Variants in LRRC4C observed in about 807,000 individuals in gnomAD.
LRRC4C encodes leucine rich repeat containing 4C.
Under a neutral mutation model 33.6 loss-of-function variants are expected in LRRC4C, and 5 were observed. That is an observed-to-expected ratio of 0.15 (90% CI 0.08 to 0.31). The LOEUF (loss-of-function observed/expected upper bound fraction) is 0.31. Ranked by LOEUF, LRRC4C falls within the 10% of genes least tolerant of loss-of-function variation. The probability of loss-of-function intolerance (pLI) is 1.00; values close to 1 mark genes in which losing one functional copy is unlikely to be tolerated. For synonymous variants in LRRC4C, 329 were observed against 302.0 expected, an observed-to-expected ratio of 1.09 and a Z score of -0.93; for missense variants, 560 against 796.7, an observed-to-expected ratio of 0.70 and a Z score of 3.58.
intron 2 of LRRC4C, among the ~76,000 whole-genome samples, chr11:40,847,781 C>CTTT (rs34141578): frequency 1.8e-5 from 2 of 109,684 alleles, no homozygotes; most frequent in Non-Finnish European, 3.9e-5. Flanking sequence ...TGGTCCTGGG[C>CTTT]TTTTTTTTTT....
At chr11:40,223,506 A>C (rs1286765388) in intron 5 of LRRC4C, among the ~76,000 whole-genome samples, 1 of 152,210 alleles carries the variant, frequency 6.6e-6, no homozygotes, top group Non-Finnish European at 1.5e-5. Flanking sequence ...ACACTGCAGA[A>C]CCTGAAACTC....
intron 2 of LRRC4C, among the ~76,000 whole-genome samples, chr11:40,781,535 C>A (rs1950209872): frequency 6.6e-6 from 1 of 152,084 alleles, no homozygotes; most frequent in African/African-American, 2.4e-5. Context: ...AAATACTATG[C>A]CTCACCTTGA....
intron 3 of LRRC4C, among the ~76,000 whole-genome samples, chr11:40,543,573 T>A (rs1283755381): frequency 2.0e-5 from 3 of 152,072 alleles, no homozygotes; most frequent in Non-Finnish European, 4.4e-5. Flanking sequence ...CGTAGAGCAT[T>A]TCCTGAAAAG....
At chr11:41,292,706 C>CAA (rs1950026171) in intron 1 of LRRC4C, among the ~76,000 whole-genome samples, 4 of 152,064 alleles carry the variant, frequency 2.6e-5, no homozygotes, top group Non-Finnish European at 5.9e-5. Context: ...TAACATATTG[C>CAA]AGCTTATTCC....
At chr11:40,252,563 A>C (rs985025685) in intron 4 of LRRC4C, among the ~76,000 whole-genome samples, 1 of 152,174 alleles carries the variant, frequency 6.6e-6, no homozygotes, top group Non-Finnish European at 1.5e-5. Context: ...GTCCTTTCTG[A>C]AAATATTTGC....
intron 2 of LRRC4C, among the ~76,000 whole-genome samples, chr11:40,894,476 T>C (rs2136134263): frequency 6.6e-6 from 1 of 152,298 alleles, no homozygotes; most frequent in African/African-American, 2.4e-5. Context: ...CACTGATCAT[T>C]ATTTATTTTT....
At chr11:40,748,307 C>A (rs1251556382) in intron 2 of LRRC4C, among the ~76,000 whole-genome samples, 3 of 152,032 alleles carry the variant, frequency 2.0e-5, no homozygotes, top group Admixed American at 6.5e-5. Flanking sequence ...CTATATGTAG[C>A]AAAATTATCC....
chr11:40,794,682 A>C (rs2135200967), intron 2 of LRRC4C, among the ~76,000 whole-genome samples: 1 of 152,314 alleles, frequency 6.6e-6, no homozygotes, highest in Admixed American at 6.5e-5. Flanking sequence ...AGAAAAATTT[A>C]TGTCACCAAT....
intron 1 of LRRC4C, among the ~76,000 whole-genome samples, chr11:40,960,441 A>T (rs1412646656): frequency 6.6e-6 from 1 of 151,760 alleles, no homozygotes. Flanking sequence ...ACAAGGTCTA[A>T]ATTGAGTTTC....
At chr11:40,719,447 C>T (rs536265951) in intron 2 of LRRC4C, among the ~76,000 whole-genome samples, 42 of 152,080 alleles carry the variant, frequency 2.8e-4, no homozygotes, top group Non-Finnish European at 4.4e-4. Flanking sequence ...CTTTTACTGC[C>T]GTTAGATCTC....
rs34678892 is a variant in LRRC4C, at chr11:40,554,736, CTTTTTTTTTTTT to C, written c.-270+93394_-270+93405del. The stretch of plus-strand genomic sequence containing the variant: ...TGGCTACTGTAAATGGGATTGCATT[CTTTTTTTTTTTT>C]TTTTTTTTTTGAGACGGGGTCTCGC... On this transcript the variant is annotated intron_variant, in intron 3 of 6. Coordinates refer to ENST00000528697, the MANE Select transcript of LRRC4C (RefSeq NM_001258419.2). Among the ~76,000 whole-genome samples the C allele has an allele frequency of 4.5e-5, 4 of 88,424 alleles. No homozygotes were observed. The East Asian group carries it at 1.2e-3, about 27-fold the overall frequency. 58.0% of individuals were successfully genotyped at this position (88,424 alleles called of 152,430 possible).
chr11:40,430,269 G>C (rs149267065), intron 3 of LRRC4C, among the ~76,000 whole-genome samples: 13 of 149,346 alleles, frequency 8.7e-5, no homozygotes, highest in East Asian at 2.0e-4. Context: ...GTATGGGGGG[G>C]GTTGCTCTAG....
chr11:40,816,939 A>G (rs971728829), intron 2 of LRRC4C, among the ~76,000 whole-genome samples: 4 of 152,142 alleles, frequency 2.6e-5, no homozygotes, highest in African/African-American at 9.7e-5. Context: ...ATAGATATCT[A>G]TAACGTAAAG....
intron 1 of LRRC4C, among the ~76,000 whole-genome samples, chr11:41,206,521 G>A (rs775241678): frequency 1.3e-5 from 2 of 152,172 alleles, no homozygotes; most frequent in African/African-American, 2.4e-5. Flanking sequence ...TTTGCTCACA[G>A]CTTTCCTCCT....
intron 1 of LRRC4C, among the ~76,000 whole-genome samples, chr11:41,377,811 C>A (rs1952994052): frequency 6.6e-6 from 1 of 152,164 alleles, no homozygotes; most frequent in African/African-American, 2.4e-5. Flanking sequence ...TAATCTGATG[C>A]CACTCAGTCC....
intron 5 of LRRC4C, among the ~76,000 whole-genome samples, chr11:40,151,403 G>A (rs532497899): frequency 3.3e-5 from 5 of 152,130 alleles, no homozygotes; most frequent in South Asian, 2.1e-4. Flanking sequence ...CACCCAGTAC[G>A]TAAGCCTCTA....
chr11:41,106,243 G>A (rs777328470), intron 1 of LRRC4C, among the ~76,000 whole-genome samples: 31 of 148,084 alleles, frequency 2.1e-4, no homozygotes, highest in Non-Finnish European at 3.6e-4. Flanking sequence ...ATCTGTCTGC[G>A]CATTTGTGTG....
intron 3 of LRRC4C, among the ~76,000 whole-genome samples, chr11:40,393,374 A>G (rs1174011086): frequency 6.6e-6 from 1 of 152,166 alleles, no homozygotes; most frequent in Non-Finnish European, 1.5e-5. Context: ...TAATAAAAAT[A>G]GACTTTCTTA....
chr11:40,665,356 A>G (rs1202129332), intron 2 of LRRC4C, among the ~76,000 whole-genome samples: 4 of 14,754 alleles, frequency 2.7e-4, no homozygotes, highest in East Asian at 2.8e-3. Flanking sequence ...ATATATATAT[A>G]TATATATGTA....
Sources: allele counts gnomAD v4.1 joint callset (sites outside exome capture counted in the v4.1 genomes callset), GRCh38; gene constraint gnomAD v4.1.1; transcripts MANE v1.5; gene names NCBI Gene and HGNC (gene_info 2026-07-23, HGNC 2026-07-21).